The following NKAIN2 variants were observed in gnomAD, a reference collection of about 807,000 sequenced individuals.
The protein encoded by NKAIN2 is sodium/potassium transporting ATPase interacting 2.
In NKAIN2, 14 loss-of-function variants were observed where a neutral mutation model predicts 32.6. The ratio of observed to expected loss-of-function variants is 0.43; its 90% CI spans 0.28 to 0.67. The LOEUF (loss-of-function observed/expected upper bound fraction) is 0.67, where lower values mean the gene tolerates loss of function less well. Ranked by LOEUF, NKAIN2 falls within the 30% of genes least tolerant of loss-of-function variation. The pLI is 0.17. For missense variants in NKAIN2, 198 were observed against 258.3 expected (o/e 0.77, Z 1.60); for synonymous variants, 80 against 87.2 (o/e 0.92, Z 0.46).
intron 4 of NKAIN2, among the ~76,000 whole-genome samples, chr6:124,747,845 A>G (rs1415024788): frequency 6.6e-6 from 1 of 151,864 alleles, no homozygotes; most frequent in African/African-American, 2.4e-5. Context: ...CTCAATTCAA[A>G]GCAAAAATTG....
chr6:124,453,170 C>T (rs948936612), intron 3 of NKAIN2, among the ~76,000 whole-genome samples: 13 of 151,948 alleles, frequency 8.6e-5, no homozygotes, highest in African/African-American at 2.9e-4. Context: ...AAACAGAGGG[C>T]ATTCATAGCT....
At chr6:124,776,912 A>G (rs369743793) in intron 4 of NKAIN2, among the ~76,000 whole-genome samples, 3 of 152,152 alleles carry the variant, frequency 2.0e-5, no homozygotes, top group African/African-American at 7.2e-5. Context: ...CTGAGTGTCT[A>G]TATTCATCTT....
chr6:124,150,839 T>C (rs1034106362), intron 1 of NKAIN2, among the ~76,000 whole-genome samples: 2 of 152,158 alleles, frequency 1.3e-5, no homozygotes, highest in African/African-American at 2.4e-5. Flanking sequence ...CTGTGTGTTA[T>C]CAAATTGTGT....
intron 1 of NKAIN2, among the ~76,000 whole-genome samples, chr6:124,110,786 C>T (rs1785349016): frequency 6.6e-6 from 1 of 152,076 alleles, no homozygotes; most frequent in South Asian, 2.1e-4. Context: ...TTTCTTTATC[C>T]AACCCACCAT....
At position 124,699,286 on chromosome 6, in the gene NKAIN2, G is replaced by A. The variant is rs146330891; in HGVS notation, c.474+40900G>A. 1.2e-4 allele frequency among the ~76,000 whole-genome samples: 19 copies of A among 152,288 alleles called. No homozygotes were observed. The East Asian group carries it at 3.7e-3, about 29-fold the overall frequency. ...AAGCTTAGCTGGAATGTGAACCAGA[G>A]TGCCTCCTGATGGCCCTGCCATATA... On this transcript the variant is annotated intron_variant, in intron 4 of 6. Transcript: ENST00000368417.
At chr6:124,425,155 G>A (rs778234529) in intron 3 of NKAIN2, among the ~76,000 whole-genome samples, 3 of 152,254 alleles carry the variant, frequency 2.0e-5, no homozygotes, top group East Asian at 1.9e-4. Flanking sequence ...ACAGTTTTAA[G>A]AAGAGAGATA....
intron 3 of NKAIN2, among the ~76,000 whole-genome samples, chr6:124,491,250 A>C (rs764470783): frequency 6.6e-6 from 1 of 151,820 alleles, no homozygotes; most frequent in African/African-American, 2.4e-5. Context: ...AGTGAATGGT[A>C]AGGAAGGGAT....
intron 3 of NKAIN2, among the ~76,000 whole-genome samples, chr6:124,476,323 C>A (rs369682672): frequency 1.3e-4 from 19 of 149,090 alleles, no homozygotes; most frequent in Non-Finnish European, 2.7e-4. Flanking sequence ...CATTCAGAAG[C>A]GTCATTACCT....
intron 1 of NKAIN2, among the ~76,000 whole-genome samples, chr6:123,971,922 G>A (rs2114638506): frequency 6.6e-6 from 1 of 152,196 alleles, no homozygotes; most frequent in South Asian, 2.1e-4. Flanking sequence ...ATTGGCCTTT[G>A]AACAACATGG....
At chr6:124,667,278 A>C (rs1772849161) in intron 4 of NKAIN2, among the ~76,000 whole-genome samples, 1 of 134,712 alleles carries the variant, frequency 7.4e-6, no homozygotes. Flanking sequence ...TATATGTTGC[A>C]AAAAAAATCA....
chr6:124,198,575 A>C (rs1790435841), intron 1 of NKAIN2, among the ~76,000 whole-genome samples: 1 of 151,930 alleles, frequency 6.6e-6, no homozygotes, highest in Admixed American at 6.6e-5. Context: ...TAATCACAAT[A>C]ACTCTGAGTT....
rs548917257 is a variant in NKAIN2, at chr6:123,859,339, G to C, written c.54+55085G>C. On this transcript the variant is annotated intron_variant, in intron 1 of 6. Coordinates refer to ENST00000368417, the MANE Select transcript of NKAIN2 (RefSeq NM_001040214.3). ...AATCAAAAGATTATGTGATGAGTTGGGTGAATCAATGAGGCTGGTCATGGC... is the reference window on the plus strand; with the variant it reads ...AATCAAAAGATTATGTGATGAGTTGCGTGAATCAATGAGGCTGGTCATGGC... Among the ~76,000 whole-genome samples the C allele has an allele frequency of 4.6e-5, 7 of 152,100 alleles. No individual in the cohort carries two copies. In the South Asian group the frequency reaches 1.5e-3, roughly 32 times the overall value.
chr6:124,295,365 T>A (rs1373557018), intron 2 of NKAIN2, among the ~76,000 whole-genome samples: 2 of 152,144 alleles, frequency 1.3e-5, no homozygotes, highest in East Asian at 3.9e-4. Flanking sequence ...GTCAAAGGCA[T>A]GAGAAGCTCT....
intron 3 of NKAIN2, among the ~76,000 whole-genome samples, chr6:124,626,344 A>G (rs1219589810): frequency 6.6e-6 from 1 of 151,962 alleles, no homozygotes; most frequent in African/African-American, 2.4e-5. Context: ...TGAGTTGATG[A>G]AATTCTGAAA....
chr6:124,043,410 G>A (rs919267692), intron 1 of NKAIN2, among the ~76,000 whole-genome samples: 2 of 151,924 alleles, frequency 1.3e-5, no homozygotes, highest in African/African-American at 2.4e-5. Flanking sequence ...GTGCTAAAAC[G>A]TTCTCAGATT....
At chr6:124,437,831 A>G in intron 3 of NKAIN2, 2 of 391,590 alleles carry the variant, frequency 5.1e-6, no homozygotes, top group South Asian at 3.8e-5. Flanking sequence ...AACGCATGGG[A>G]TACGGTAGCT....
At chr6:124,743,571 C>T (rs1309951163) in intron 4 of NKAIN2, among the ~76,000 whole-genome samples, 1 of 151,746 alleles carries the variant, frequency 6.6e-6, no homozygotes, top group African/African-American at 2.4e-5. Flanking sequence ...AATGTGGAAA[C>T]CTTAACAGCA....
At chr6:124,538,074 T>TATTTTC (rs1297629921) in intron 3 of NKAIN2, among the ~76,000 whole-genome samples, 3 of 152,160 alleles carry the variant, frequency 2.0e-5, no homozygotes. Flanking sequence ...ATTATGGCTG[T>TATTTTC]ATTTTCACTA....
chr6:124,578,444 A>G (rs1258897012), intron 3 of NKAIN2, among the ~76,000 whole-genome samples: 1 of 151,842 alleles, frequency 6.6e-6, no homozygotes, highest in Non-Finnish European at 1.5e-5. Context: ...AGTACTTGCT[A>G]TGGGCCTGGA....
Sources: allele counts gnomAD v4.1 joint callset (sites outside exome capture counted in the v4.1 genomes callset), GRCh38; gene constraint gnomAD v4.1.1; transcripts MANE v1.5; gene names NCBI Gene and HGNC (gene_info 2026-07-23, HGNC 2026-07-21).